TYW1: variants seen among roughly 807,000 people sequenced by gnomAD.
TYW1 encodes tRNA-yW synthesizing protein 1 homolog.
In TYW1, 46 loss-of-function variants were observed where a neutral mutation model predicts 96.2. That is an observed-to-expected ratio of 0.48 (90% CI 0.38 to 0.61). The LOEUF (loss-of-function observed/expected upper bound fraction) is 0.61. TYW1 is among the 20% of genes least tolerant of loss of function. TYW1 has a pLI of 0.00. For synonymous variants in TYW1, 274 were observed against 323.0 expected (o/e 0.85, Z 1.63); for missense variants, 684 against 909.6 (o/e 0.75, Z 3.19).
At chr7:67,176,798 G>A (rs1352901281) in intron 13 of TYW1, among the ~76,000 whole-genome samples, 2 of 152,040 alleles carry the variant, frequency 1.3e-5, no homozygotes, top group Non-Finnish European at 2.9e-5. Flanking sequence ...TTTCAACATT[G>A]GCACCATCGA....
At chr7:67,179,077 C>G (rs868243256) in intron 13 of TYW1, among the ~76,000 whole-genome samples, 2 of 140,780 alleles carry the variant, frequency 1.4e-5, no homozygotes, top group African/African-American at 5.6e-5. Context: ...CCTTGCAGAG[C>G]AGGGCTAACT....
At chr7:67,137,465 T>C (rs1477356886) in intron 13 of TYW1, among the ~76,000 whole-genome samples, 1 of 151,762 alleles carries the variant, frequency 6.6e-6, no homozygotes, top group Non-Finnish European at 1.5e-5. Flanking sequence ...AAAAAATAAA[T>C]AAAATAAAAG....
intron 15 of TYW1, among the ~76,000 whole-genome samples, chr7:67,224,999 T>G (rs2116428790): frequency 6.6e-6 from 1 of 152,260 alleles, no homozygotes; most frequent in East Asian, 1.9e-4. Context: ...AAGACCAGTC[T>G]GGCCAACATG....
At chr7:67,105,634 T>G (rs1797213272) in intron 12 of TYW1, among the ~76,000 whole-genome samples, 1 of 152,216 alleles carries the variant, frequency 6.6e-6, no homozygotes, top group African/African-American at 2.4e-5. Flanking sequence ...GTCTTGCTGT[T>G]TCTTCAGCCC....
intron 13 of TYW1, among the ~76,000 whole-genome samples, chr7:67,171,774 A>C (rs10267300): frequency 0.28 from 42,744 of 152,002 alleles, 6,530 homozygotes; most frequent in African/African-American, 0.4. Context: ...CTAGTAAAGC[A>C]ACACTAGTTT....
At chr7:67,082,506 G>A (rs1256391650) in intron 10 of TYW1, among the ~76,000 whole-genome samples, 2 of 152,178 alleles carry the variant, frequency 1.3e-5, no homozygotes, top group African/African-American at 4.8e-5. Context: ...CTGGTCCTTA[G>A]ACCCTAGGGG....
intron 9 of TYW1, among the ~76,000 whole-genome samples, chr7:67,064,563 G>T (rs1026465578): frequency 1.3e-5 from 2 of 152,156 alleles, no homozygotes; most frequent in African/African-American, 2.4e-5. Context: ...GAGGCAAAAG[G>T]CACTTTTTAC....
chr7:67,118,907 A>AAAG (rs1797681722), intron 13 of TYW1, among the ~76,000 whole-genome samples: 1 of 139,162 alleles, frequency 7.2e-6, no homozygotes, highest in Non-Finnish European at 1.6e-5. Context: ...AAAAAAAAAA[A>AAAG]GGGTCTGCAA....
intron 15 of TYW1, among the ~76,000 whole-genome samples, chr7:67,205,050 G>T (rs533109497): frequency 6.6e-6 from 1 of 152,202 alleles, no homozygotes; most frequent in African/African-American, 2.4e-5. Context: ...GGTATGATAA[G>T]TGATTTTCAG....
intron 13 of TYW1, among the ~76,000 whole-genome samples, chr7:67,118,160 A>G (rs919630880): frequency 6.6e-6 from 1 of 151,806 alleles, no homozygotes. Flanking sequence ...CCTCATCTCT[A>G]CTAGAAATAC....
intron 13 of TYW1, among the ~76,000 whole-genome samples, chr7:67,144,229 A>C (rs1363771992): frequency 2.6e-5 from 4 of 152,204 alleles, no homozygotes; most frequent in African/African-American, 9.7e-5. Context: ...GCTGTGTATT[A>C]AGGTCAGCCT....
chr7:67,062,639 C>G (rs1940028223), intron 9 of TYW1, among the ~76,000 whole-genome samples: 1 of 151,276 alleles, frequency 6.6e-6, no homozygotes, highest in Non-Finnish European at 1.5e-5. Flanking sequence ...ACAGGTCCTG[C>G]AGCGATTGAA....
At chr7:67,021,556 T>C (rs946830246) in intron 6 of TYW1, among the ~76,000 whole-genome samples, 20 of 152,172 alleles carry the variant, frequency 1.3e-4, no homozygotes, top group Non-Finnish European at 2.5e-4. Flanking sequence ...ACTGCATGGC[T>C]CCTTTTCGTA....
chr7:67,177,949 T>G, intron 13 of TYW1, among the ~76,000 whole-genome samples: 1 of 144,820 alleles, frequency 6.9e-6, no homozygotes, highest in African/African-American at 2.6e-5. Context: ...AGCCCAAGAG[T>G]TCGAGACCAG....
chr7:67,117,697 A>G (rs1797637718), intron 13 of TYW1, 79 bp downstream of exon 13: 1 of 1,368,336 alleles, frequency 7.3e-7, no homozygotes. Flanking sequence ...AAGATGGAAG[A>G]AAAGAACAGA....
chr7:67,205,795 C>CT (rs35166102), intron 15 of TYW1, among the ~76,000 whole-genome samples: 43 of 149,304 alleles, frequency 2.9e-4, no homozygotes, highest in Middle Eastern at 3.4e-3. Context: ...ACTTGGGACT[C>CT]TTTTTTTTTT....
At chr7:67,092,674 CTTTTTTT>C (rs3980762) in intron 11 of TYW1, among the ~76,000 whole-genome samples, 1,141 of 92,370 alleles carry the variant, frequency 0.012, 11 homozygotes, top group Middle Eastern at 0.068. Flanking sequence ...CTATCACCTT[CTTTTTTT>C]TTTTTTTTTT....
chr7:67,227,387 GC>G (rs1801598577), intron 15 of TYW1, among the ~76,000 whole-genome samples: 1 of 152,138 alleles, frequency 6.6e-6, no homozygotes, highest in African/African-American at 2.4e-5. Context: ...CTCCTACGTA[GC>G]TGGGATTACA....
chr7:67,004,605 T>G (rs1293003611), intron 3 of TYW1, among the ~76,000 whole-genome samples: 9 of 152,234 alleles, frequency 5.9e-5, no homozygotes, highest in Non-Finnish European at 1.0e-4. Flanking sequence ...ATAACAATTT[T>G]TCCTTTACAT....
Sources: gnomAD v4.1 joint callset for allele counts (sites outside exome capture counted in the v4.1 genomes callset) on GRCh38, gnomAD v4.1.1 for gene constraint, MANE v1.5 for transcripts, NCBI Gene and HGNC (gene_info 2026-07-23, HGNC 2026-07-21) for gene names.